The following ST8SIA1 variants were observed in gnomAD, a reference collection of about 807,000 sequenced individuals.
The protein encoded by ST8SIA1 is alpha-N-acetylneuraminide alpha-2,8-sialyltransferase.
Under a neutral mutation model 35.9 loss-of-function variants are expected in ST8SIA1, and 16 were observed. The observed-to-expected ratio is 0.45, with a 90% CI of 0.30 to 0.68. The LOEUF is 0.68. Ranked by LOEUF, ST8SIA1 falls within the 30% of genes least tolerant of loss-of-function variation. The pLI is 0.09. For missense variants in ST8SIA1, 383 were observed against 453.6 expected (o/e 0.84, Z 1.41); for synonymous variants, 170 against 169.6 (o/e 1.00, Z -0.02).
At chr12:22,257,965 A>G (rs1865746164) in intron 2 of ST8SIA1, among the ~76,000 whole-genome samples, 1 of 151,910 alleles carries the variant, frequency 6.6e-6, no homozygotes, top group African/African-American at 2.4e-5. Flanking sequence ...GGAGTCTTTC[A>G]TAAGAGATTT....
At chr12:22,300,658 A>C (rs1866307894) in intron 1 of ST8SIA1, among the ~76,000 whole-genome samples, 1 of 152,146 alleles carries the variant, frequency 6.6e-6, no homozygotes, top group Non-Finnish European at 1.5e-5. Context: ...TCCTCTCTCG[A>C]AGACTGAAGG....
At chr12:22,204,033 T>G (rs1383704550) in intron 4 of ST8SIA1, among the ~76,000 whole-genome samples, 2 of 152,166 alleles carry the variant, frequency 1.3e-5, no homozygotes, top group Non-Finnish European at 2.9e-5. Context: ...GCTTTCTGCA[T>G]CCATCTCTCA....
chr12:22,239,332 C>G (rs1443265561), intron 4 of ST8SIA1, among the ~76,000 whole-genome samples: 1 of 152,122 alleles, frequency 6.6e-6, no homozygotes, highest in Non-Finnish European at 1.5e-5. Flanking sequence ...TAACATACTC[C>G]TTCTCATTCT....
intron 1 of ST8SIA1, among the ~76,000 whole-genome samples, chr12:22,321,239 T>C (rs1026313033): frequency 3.9e-5 from 6 of 152,146 alleles, no homozygotes; most frequent in African/African-American, 1.2e-4. Context: ...AAAGAGCCCT[T>C]TGGCGTGGCA....
At chr12:22,226,894 G>A (rs140144475) in intron 4 of ST8SIA1, among the ~76,000 whole-genome samples, 9 of 152,108 alleles carry the variant, frequency 5.9e-5, no homozygotes, top group Admixed American at 3.3e-4. Context: ...TTTCCTCTGC[G>A]AAAGCATGTT....
intron 4 of ST8SIA1, among the ~76,000 whole-genome samples, chr12:22,211,863 C>T (rs567804003): frequency 1.3e-5 from 2 of 152,226 alleles, no homozygotes; most frequent in African/African-American, 2.4e-5. Context: ...AGGTGCCTGC[C>T]ACCATGCCCA....
intron 1 of ST8SIA1, 66 bp from the exon 2 acceptor site, chr12:22,287,359 G>A: frequency 6.5e-7 from 1 of 1,529,250 alleles, no homozygotes; most frequent in Non-Finnish European, 8.9e-7. Flanking sequence ...TCATTCACTT[G>A]TCATTCCCAC....
intron 2 of ST8SIA1, among the ~76,000 whole-genome samples, chr12:22,258,144 AAGAG>A (rs1442773604): frequency 6.6e-6 from 1 of 152,080 alleles, no homozygotes; most frequent in Non-Finnish European, 1.5e-5. Flanking sequence ...GCAAGAGAAA[AAGAG>A]AGAAATCAGC....
chr12:22,219,390 G>A (rs1865271822), intron 4 of ST8SIA1, among the ~76,000 whole-genome samples: 2 of 152,176 alleles, frequency 1.3e-5, no homozygotes, highest in Non-Finnish European at 2.9e-5. Flanking sequence ...TGAGAAGGGT[G>A]TGAAGACAGG....
intron 2 of ST8SIA1, among the ~76,000 whole-genome samples, chr12:22,256,770 T>C (rs1454148055): frequency 6.6e-6 from 1 of 152,092 alleles, no homozygotes; most frequent in Non-Finnish European, 1.5e-5. Context: ...GTACTTAAAG[T>C]GTAATGTCTA....
intron 4 of ST8SIA1, among the ~76,000 whole-genome samples, chr12:22,246,652 G>C (rs1275111821): frequency 1.3e-5 from 2 of 151,964 alleles, no homozygotes; most frequent in African/African-American, 4.8e-5. Context: ...AAAGCAGTTT[G>C]GGTTTTTTTT....
chr12:22,255,135 C>T (rs1478665024), intron 3 of ST8SIA1, 145 bp downstream of exon 3: 1 of 677,362 alleles, frequency 1.5e-6, no homozygotes, highest in Middle Eastern at 4.1e-4. Flanking sequence ...CCTAAACTCG[C>T]TTGTCTATGA....
chr12:22,259,814 TACTC>T (rs1865768528), intron 2 of ST8SIA1, among the ~76,000 whole-genome samples: 1 of 152,176 alleles, frequency 6.6e-6, no homozygotes, highest in African/African-American at 2.4e-5. Flanking sequence ...CTCTCATTAA[TACTC>T]ACAGAATACC....
At chr12:22,213,563 C>T (rs965136224) in intron 4 of ST8SIA1, among the ~76,000 whole-genome samples, 11 of 152,116 alleles carry the variant, frequency 7.2e-5, no homozygotes, top group Non-Finnish European at 1.5e-4. Context: ...AGGAGAAGAG[C>T]ACTCTTTGCT....
intron 4 of ST8SIA1, among the ~76,000 whole-genome samples, chr12:22,222,139 T>A (rs2120665117): frequency 6.6e-6 from 1 of 152,322 alleles, no homozygotes; most frequent in Non-Finnish European, 1.5e-5. Context: ...GTAAACAAAC[T>A]TAACTTATTT....
At chr12:22,278,662 T>G (rs980292240) in intron 2 of ST8SIA1, among the ~76,000 whole-genome samples, 2 of 152,248 alleles carry the variant, frequency 1.3e-5, no homozygotes, top group African/African-American at 4.8e-5. Context: ...ACACCCCAGG[T>G]GAAGTGATTA....
chr12:22,238,180 G>A (rs188595899), intron 4 of ST8SIA1, among the ~76,000 whole-genome samples: 76 of 152,194 alleles, frequency 5.0e-4, no homozygotes, highest in African/African-American at 1.8e-3. Context: ...CCAACAAGAG[G>A]TGGATCTGTG....
chr12:22,246,105 A>C (rs1034017376), intron 4 of ST8SIA1, among the ~76,000 whole-genome samples: 8 of 152,148 alleles, frequency 5.3e-5, no homozygotes, highest in African/African-American at 1.9e-4. Context: ...GAGTTGGGGG[A>C]ACCCCAACTT....
chr12:22,249,385 ATT>A (rs528200307), intron 3 of ST8SIA1, among the ~76,000 whole-genome samples: 8 of 151,200 alleles, frequency 5.3e-5, no homozygotes, highest in South Asian at 2.1e-4. Flanking sequence ...CACCCGGCTA[ATT>A]TTTTTTGTAT....
Sources: gnomAD v4.1 joint callset for allele counts (sites outside exome capture counted in the v4.1 genomes callset) on GRCh38, gnomAD v4.1.1 for gene constraint, MANE v1.5 for transcripts, NCBI Gene and HGNC (gene_info 2026-07-23, HGNC 2026-07-21) for gene names.